The following TMEM201 variants were observed in gnomAD, a reference collection of about 807,000 sequenced individuals.
TMEM201 encodes RP13-15M17.2.
A neutral mutation model predicts 63.4 loss-of-function variants in TMEM201; 26 were observed. The ratio of observed to expected loss-of-function variants is 0.41; its 90% confidence interval spans 0.30 to 0.57. The LOEUF (loss-of-function observed/expected upper bound fraction) is 0.57. Ranked by LOEUF, TMEM201 falls within the 20% of genes least tolerant of loss-of-function variation. The pLI, the probability that TMEM201 is intolerant of heterozygous loss-of-function variation, is 0.29. For synonymous variants in TMEM201, 417 were observed against 421.6 expected (o/e 0.99, Z 0.14); for missense variants, 794 against 917.7 (o/e 0.87, Z 1.74).
chr1:9,594,915 T>C (rs1353595880), intron 1 of TMEM201, among the ~76,000 whole-genome samples: 1 of 152,242 alleles, frequency 6.6e-6, no homozygotes, highest in Non-Finnish European at 1.5e-5. Context: ...AGGGCCGTGC[T>C]CTCTGGTCCT....
At chr1:9,609,180 G>A (rs1466393927) in intron 7 of TMEM201, among the ~76,000 whole-genome samples, 2 of 152,198 alleles carry the variant, frequency 1.3e-5, no homozygotes, top group African/African-American at 4.8e-5. Context: ...CTGGGTCCTT[G>A]TGACCACCCT....
At chr1:9,599,845 G>A (rs1351051768) in intron 4 of TMEM201, among the ~76,000 whole-genome samples, 11 of 152,078 alleles carry the variant, frequency 7.2e-5, no homozygotes, top group Admixed American at 4.6e-4. Context: ...TGATCCGCCC[G>A]CCTCAGCCTC....
rs1354755721 is a variant in TMEM201 at position 9,613,006 on chromosome 1, GTCCGGGGCC to G, written c.1928_1936del (p.Arg643_Leu645del). On this transcript the variant is annotated inframe_deletion, in exon 11 of 11. Transcript: ENST00000340381. ...TGCAGGTCGTTTCGGCCCTTCCCTGGTCCGGGGCCTCCTGGCCGTGAGCTTGGCCGCCAA... is the reference window on the plus strand; with the variant it reads ...TGCAGGTCGTTTCGGCCCTTCCCTGGTCCTGGCCGTGAGCTTGGCCGCCAA... The G allele has an allele frequency of 1.8e-5, 28 of 1,551,464 alleles. No homozygotes were observed. Among genetic ancestry groups the G allele is most frequent in the Non-Finnish European group, 2.4e-5 (27 of 1,147,004 alleles).
chr1:9,593,823 G>A (rs1009693064), intron 1 of TMEM201, among the ~76,000 whole-genome samples: 5 of 152,202 alleles, frequency 3.3e-5, no homozygotes, highest in South Asian at 2.1e-4. Flanking sequence ...AGCCTTGTCC[G>A]GCTCAGGGGT....
chr1:9,589,035 C>A lies in TMEM201; in HGVS notation c.105C>A (p.Ile35=), dbSNP rs1643875827. The A allele has an allele frequency of 8.8e-7, 1 of 1,132,152 alleles. No homozygotes were observed. The highest frequency in any genetic ancestry group is 2.7e-5 in the South Asian group (1 of 36,828). 70.1% of individuals were successfully genotyped at this position (1,132,152 alleles called of 1,614,324 possible). The change falls in exon 1 of 11, where the codon ATC becomes ATA. Residue 35 remains isoleucine, a synonymous_variant. Coordinates refer to ENST00000340381, the MANE Select transcript of TMEM201 (RefSeq NM_001130924.3). Reference sequence around the variant, plus strand: ...CGGCCGGCGTGTTGCTCTACCGGATCGCGCGGAGGTGAGTGCATGGTTCGG... The same window carrying A: ...CGGCCGGCGTGTTGCTCTACCGGATAGCGCGGAGGTGAGTGCATGGTTCGG... The part of the protein sequence containing the change: ...CAAAGVLLYR[I]ARRMKPTHTM...
At chr1:9,598,848 C>A (rs1044007817) in intron 4 of TMEM201, among the ~76,000 whole-genome samples, 1 of 151,904 alleles carries the variant, frequency 6.6e-6, no homozygotes, top group Non-Finnish European at 1.5e-5. Context: ...GGGGTTTCTC[C>A]GTGTTGTTCA....
chr1:9,590,661 G>A (rs1407836554), intron 1 of TMEM201, among the ~76,000 whole-genome samples: 3 of 152,160 alleles, frequency 2.0e-5, no homozygotes, highest in Non-Finnish European at 2.9e-5. Context: ...GTCCTTTCAC[G>A]CCCCTGACGA....
rs1472297963 is a variant in TMEM201, at chr1:9,597,058, G to A, written c.429+5G>A. 6 of 1,596,610 alleles carry A rather than the reference G, an allele frequency of 3.8e-6. No individual in the cohort carries two copies. The highest frequency in any genetic ancestry group is 5.1e-6 in the Non-Finnish European group (6 of 1,168,428). On this transcript the variant is annotated splice_donor_5th_base_variant and intron_variant, in intron 3 of 10. Coordinates refer to ENST00000340381, the MANE Select transcript of TMEM201 (RefSeq NM_001130924.3). ...GCCTTCGCTCCCCGCGAGGAGGTGA[G>A]GCCGGGTTGGGAGGGCAGGGGTCCT...
rs1336512515 is a variant in TMEM201, at chr1:9,613,881, T to A, written c.*798T>A. The stretch of plus-strand genomic sequence containing the variant: ...TGCAGGGCAGGCTGGCGGGGGGCCT[T>A]CAGATCTCAGATGAGACTGCACCCC... On this transcript the variant is annotated 3_prime_UTR_variant, in exon 11 of 11. Coordinates refer to ENST00000340381, the MANE Select transcript of TMEM201 (RefSeq NM_001130924.3). The A allele has an allele frequency of 6.6e-6, 1 of 152,294 alleles. No homozygotes were observed. The highest frequency in any genetic ancestry group is 1.5e-5 in the Non-Finnish European group (1 of 68,130). The allele number at this position is 152,294 out of a possible 1,614,324, so 9.4% of individuals were successfully genotyped here.
intron 2 of TMEM201, 124 bp downstream of exon 2, chr1:9,596,134 T>G (rs921185319): frequency 7.9e-7 from 1 of 1,264,120 alleles, no homozygotes; most frequent in Admixed American, 2.1e-5. Context: ...CCTCATACCC[T>G]GTCCTCTCCA....
chr1:9,588,915 T>C lies in TMEM201; in HGVS notation c.-16T>C. The C allele has an allele frequency of 1.6e-6, 2 of 1,247,290 alleles. No individual in the cohort carries two copies. The highest frequency in any genetic ancestry group is 2.1e-6 in the Non-Finnish European group (2 of 972,660). 77.3% of individuals were successfully genotyped at this position (1,247,290 alleles called of 1,614,324 possible). A position where few individuals can be genotyped will look rare whatever the true frequency, so the allele number is the denominator to read the frequency against. ...CTACCCCCCTGCCGGCCTGCCGTCC[T>C]TCCACGCGGAGAGCCATGGAGGGAG... is the stretch of plus-strand genomic sequence containing the variant. On this transcript the variant is annotated 5_prime_UTR_variant, in exon 1 of 11. Transcript: ENST00000340381.
Position 9,601,168 on chromosome 1 carries a change from G to T in TMEM201, c.670G>T (p.Ala224Ser). The change falls in exon 5 of 11, where the codon GCC (alanine) becomes TCC (serine). Residue 224 changes from alanine to serine, a missense_variant. Ala to Ser is a moderately conservative substitution (Grantham distance 99, BLOSUM62 1). Coordinates refer to ENST00000340381, the MANE Select transcript of TMEM201 (RefSeq NM_001130924.3). ...VILLRALAFL[A>S]CAFLLTTALY... ...CCTGCTCCGTGCCCTCGCCTTCCTG[G>T]CCTGCGCCTTCCTACTGACCACCGC... 6.2e-7 allele frequency: 1 copy of T among 1,610,622 alleles called. No homozygotes were observed. Among genetic ancestry groups the T allele is most frequent in the Non-Finnish European group, 8.5e-7 (1 of 1,177,458 alleles).
At chr1:9,611,180 A>C in intron 9 of TMEM201, 6 of 660,784 alleles carry the variant, frequency 9.1e-6, no homozygotes, top group Non-Finnish European at 8.9e-6. Context: ...TTCAACTTTC[A>C]CATGAATTTG....
At position 9,613,553 on chromosome 1, in the gene TMEM201, C is replaced by T. The variant is rs544675544; in HGVS notation, c.*470C>T. 1.2e-4 allele frequency: 19 copies of T among 161,226 alleles called. No individual in the cohort carries two copies. The highest frequency in any genetic ancestry group is 2.4e-4 in the Non-Finnish European group (18 of 73,790). The allele number at this position is 161,226 out of a possible 1,614,324, so 10.0% of individuals were successfully genotyped here. On this transcript the variant is annotated 3_prime_UTR_variant, in exon 11 of 11. Coordinates refer to ENST00000340381, the MANE Select transcript of TMEM201 (RefSeq NM_001130924.3). The stretch of plus-strand genomic sequence containing the variant: ...CTCAGAGCCCCACTAAGCTGAAGGC[C>T]CCCTGGGGGAGGGGGAAGCATGGTC...
At position 9,607,898 on chromosome 1, in the gene TMEM201, T is replaced by A. The variant is rs1339556288; in HGVS notation, c.1393+109T>A. ...GGCCGGGAGTGGTTAGTGTTCCTGC[T>A]GCAGAGACAGGCAGCACAGAGCTTT... On this transcript the variant is annotated intron_variant, in intron 7 of 10. Coordinates refer to ENST00000340381, the MANE Select transcript of TMEM201 (RefSeq NM_001130924.3). This position sits in a 1 kb window ranked among gnomAD's most constrained non-coding sequence, Gnocchi z 5.4. 3.8e-6 allele frequency: 4 copies of A among 1,057,042 alleles called. No individual in the cohort carries two copies. 65.5% of individuals were successfully genotyped at this position (1,057,042 alleles called of 1,614,324 possible).
intron 5 of TMEM201, 57 bp downstream of exon 5, chr1:9,601,511 T>C (rs1438205965): frequency 8.0e-6 from 12 of 1,495,762 alleles, no homozygotes; most frequent in Non-Finnish European, 1.8e-6. Context: ...GCTGGATTAC[T>C]GTCTAGGGCG....
chr1:9,605,038 G>A lies in TMEM201; in HGVS notation c.1161-2519G>A. On this transcript the variant is annotated intron_variant, in intron 6 of 10. Transcript: ENST00000340381. This position sits in a 1 kb window ranked among gnomAD's most constrained non-coding sequence, Gnocchi z 5.7. ...GGGCTGGGGTGGGCAGCTGTGTTTG[G>A]GGTACAGACACGTCCACAGGAGTCA... The A allele has an allele frequency of 1.0e-6, 1 of 985,046 alleles. No homozygotes were observed. The highest frequency in any genetic ancestry group is 1.7e-5 in the African/African-American group (1 of 57,348). 61.0% of individuals were successfully genotyped at this position (985,046 alleles called of 1,614,324 possible).
intron 4 of TMEM201, 102 bp from the exon 5 acceptor site, chr1:9,601,003 A>G (rs9430184): frequency 0.81 from 840,942 of 1,038,674 alleles, 341,474 homozygotes; most frequent in Admixed American, 0.89. Context: ...AGGATGTGTG[A>G]GAACATGGGT....
Position 9,603,982 on chromosome 1 carries a change from A to G in TMEM201, c.1160+1710A>G, listed in dbSNP as rs1441267411. The G allele has an allele frequency of 1.0e-6, 1 of 985,284 alleles. No homozygotes were observed. The highest frequency in any genetic ancestry group is 1.2e-6 in the Non-Finnish European group (1 of 829,944). The allele number at this position is 985,284 out of a possible 1,614,324, so 61.0% of individuals were successfully genotyped here. A position where few individuals can be genotyped will look rare whatever the true frequency, so the allele number is the denominator to read the frequency against. ...GTGAGGAGTTGGGGCGGGTGAGCCA[A>G]AGCGGCCCCCCATGGTGTCTACCTG... On this transcript the variant is annotated intron_variant, in intron 6 of 10. Transcript: ENST00000340381. The surrounding 1 kb of genome is among the most constrained non-coding windows in gnomAD (Gnocchi z 4.5).
Sources: allele counts gnomAD v4.1 joint callset (sites outside exome capture counted in the v4.1 genomes callset), GRCh38; gene constraint gnomAD v4.1.1; non-coding constraint Gnocchi (gnomAD v3.1); transcripts MANE v1.5; gene names NCBI Gene and HGNC (gene_info 2026-07-23, HGNC 2026-07-21).